PBX3: variants seen among roughly 807,000 people sequenced by gnomAD.
The protein encoded by PBX3 is PBX homeobox 3.
A neutral mutation model predicts 48.5 loss-of-function variants in PBX3; 14 were observed. The observed-to-expected ratio is 0.29, with a 90% CI of 0.19 to 0.45. The LOEUF is 0.45. PBX3 is among the 20% of genes least tolerant of loss of function. PBX3 has a pLI of 1.00. For missense variants in PBX3, 386 were observed against 546.7 expected (o/e 0.71, Z 2.93); for synonymous variants, 210 against 200.3 (o/e 1.05, Z -0.41).
intron 2 of PBX3, among the ~76,000 whole-genome samples, chr9:125,826,193 A>AT (rs1824311973): frequency 6.6e-6 from 1 of 152,106 alleles, no homozygotes; most frequent in East Asian, 1.9e-4. Flanking sequence ...TTGAGGCATG[A>AT]TTTTTACCTG....
Position 125,804,139 on chromosome 9 carries a change from A to G in PBX3, c.274+55516A>G, listed in dbSNP as rs567186528. On this transcript the variant is annotated intron_variant, in intron 2 of 8. Coordinates refer to ENST00000373489, the MANE Select transcript of PBX3 (RefSeq NM_006195.6). ...TTGGGGATAACAAAAGTTACTAGAA[A>G]TGGTGAAGACTAAATAGGTTATAGA... Among the ~76,000 whole-genome samples the G allele has an allele frequency of 2.0e-5, 3 of 152,338 alleles. No individual in the cohort carries two copies. In the South Asian group the frequency reaches 6.2e-4, roughly 32 times the overall value.
chr9:125,851,870 C>CT (rs1164910184), intron 2 of PBX3, among the ~76,000 whole-genome samples: 44,337 of 121,358 alleles, frequency 0.37, 7,987 homozygotes, highest in African/African-American at 0.44. Context: ...ATTTTTGCTG[C>CT]TTTTTTTTTT....
In PBX3 at chr9:125,779,664, T is replaced by G. The variant is rs1482979850; in HGVS notation, c.274+31041T>G. ...AAAGTCTCCCATGTCTACTTCTTTC[T>G]ACACAGACACAGCAACCATCCGATT... On this transcript the variant is annotated intron_variant, in intron 2 of 8. Coordinates refer to ENST00000373489, the MANE Select transcript of PBX3 (RefSeq NM_006195.6). Among the ~76,000 whole-genome samples, 17 of 135,150 alleles carry G rather than the reference T, an allele frequency of 1.3e-4. No homozygotes were observed. In the South Asian group the frequency reaches 1.4e-3, roughly 11 times the overall value. 88.7% of individuals were successfully genotyped at this position (135,150 alleles called of 152,430 possible).
chr9:125,956,673 T>C (rs1842316717), intron 5 of PBX3, among the ~76,000 whole-genome samples: 1 of 152,226 alleles, frequency 6.6e-6, no homozygotes, highest in African/African-American at 2.4e-5. Context: ...CTTGTGCTTT[T>C]ATTCTCATTT....
intron 2 of PBX3, among the ~76,000 whole-genome samples, chr9:125,839,977 G>C (rs2132225974): frequency 6.6e-6 from 1 of 152,218 alleles, no homozygotes; most frequent in African/African-American, 2.4e-5. Flanking sequence ...CAGTCTTGTG[G>C]TACTCATTTC....
rs1842555385 is a variant in PBX3, at chr9:125,967,347, CA to C, written c.*1425del. On this transcript the variant is annotated 3_prime_UTR_variant, in exon 9 of 9. Coordinates refer to ENST00000373489, the MANE Select transcript of PBX3 (RefSeq NM_006195.6). Reference sequence around the variant, plus strand: ...CGTGGTAGTTATATGTAGTTTCAAACATGAATAAACTTTTTGCTTTCATGAT... The same window carrying C: ...CGTGGTAGTTATATGTAGTTTCAAACTGAATAAACTTTTTGCTTTCATGAT... 1 of 152,634 alleles carries C rather than the reference CA, an allele frequency of 6.6e-6. No individual in the cohort carries two copies. The highest frequency in any genetic ancestry group is 1.5e-5 in the Non-Finnish European group (1 of 68,038). 9.5% of individuals were successfully genotyped at this position (152,634 alleles called of 1,614,324 possible). A position where few individuals can be genotyped will look rare whatever the true frequency, so the allele number is the denominator to read the frequency against.
intron 2 of PBX3, among the ~76,000 whole-genome samples, chr9:125,765,279 G>A (rs1047528899): frequency 6.6e-6 from 1 of 151,444 alleles, no homozygotes; most frequent in African/African-American, 2.4e-5. Flanking sequence ...CTCCCGAATA[G>A]TCAAGACTAC....
chr9:125,960,604 T>C, intron 5 of PBX3, 80 bp from the exon 6 acceptor site: 1 of 1,284,950 alleles, frequency 7.8e-7, no homozygotes, highest in South Asian at 1.3e-5. Flanking sequence ...AGGTATTGCC[T>C]TGGTGTCCAG....
Position 125,966,495 on chromosome 9 carries a change from C to T in PBX3, c.*572C>T, listed in dbSNP as rs991341869. ...TAATTAGATCAGAGACTGGTAGCAT[C>T]GTTTCTCTCTCTGAAAGCACCAGTG... On this transcript the variant is annotated 3_prime_UTR_variant, in exon 9 of 9. Transcript: ENST00000373489. The T allele has an allele frequency of 6.6e-6, 1 of 152,636 alleles. No individual in the cohort carries two copies. The highest frequency in any genetic ancestry group is 1.5e-5 in the Non-Finnish European group (1 of 68,056). The allele number at this position is 152,636 out of a possible 1,614,324, so 9.5% of individuals were successfully genotyped here.
chr9:125,876,190 T>C (rs1840243082), intron 2 of PBX3, among the ~76,000 whole-genome samples: 1 of 152,236 alleles, frequency 6.6e-6, no homozygotes, highest in Non-Finnish European at 1.5e-5. Context: ...ACTTATTTTT[T>C]GTATCACTCA....
intron 2 of PBX3, among the ~76,000 whole-genome samples, chr9:125,847,046 T>C (rs1839443650): frequency 6.6e-6 from 1 of 151,952 alleles, no homozygotes; most frequent in Non-Finnish European, 1.5e-5. Flanking sequence ...AAGTTGAGAG[T>C]TGGATCTGTA....
At chr9:125,794,019 T>A (rs1461599732) in intron 2 of PBX3, among the ~76,000 whole-genome samples, 2 of 152,238 alleles carry the variant, frequency 1.3e-5, no homozygotes, top group Non-Finnish European at 2.9e-5. Flanking sequence ...TTTAATCTTA[T>A]AATGTTTACA....
chr9:125,804,964 AAAG>A lies in PBX3; in HGVS notation c.274+56355_274+56357del, dbSNP rs1252209819. Among the ~76,000 whole-genome samples, 358 of 150,010 alleles carry A rather than the reference AAAG, an allele frequency of 2.4e-3. 5 individuals are homozygous for A. Among genetic ancestry groups the A allele is most frequent in the East Asian group, 9.4e-3 (48 of 5,108 alleles). On this transcript the variant is annotated intron_variant, in intron 2 of 8. Transcript: ENST00000373489. ...CTCTGTCTTAAAAAAAAAAAAAAAA[AAAG>A]AAGAAGAAGAAGAGGAAGAAGACAG...
intron 2 of PBX3, among the ~76,000 whole-genome samples, chr9:125,768,470 T>A (rs1836857807): frequency 6.6e-6 from 1 of 152,236 alleles, no homozygotes; most frequent in Non-Finnish European, 1.5e-5. Context: ...ATTTAAAAAT[T>A]AAAATCATAA....
intron 2 of PBX3, among the ~76,000 whole-genome samples, chr9:125,849,922 A>C (rs1307817384): frequency 6.6e-6 from 1 of 152,012 alleles, no homozygotes; most frequent in Non-Finnish European, 1.5e-5. Flanking sequence ...TTAATATGCC[A>C]GCAAACCATA....
intron 5 of PBX3, among the ~76,000 whole-genome samples, chr9:125,940,184 CA>C (rs61487031): frequency 1.4e-3 from 178 of 126,124 alleles, no homozygotes; most frequent in Middle Eastern, 4.0e-3. Context: ...AACTCCGTCT[CA>C]AAAAAAAAAA....
chr9:125,961,249 GA>G (rs1007404383), intron 6 of PBX3, among the ~76,000 whole-genome samples: 13 of 152,334 alleles, frequency 8.5e-5, no homozygotes, highest in African/African-American at 2.6e-4. Context: ...TGGAATGCTG[GA>G]GGGAAGTGCA....
At chr9:125,787,466 T>C (rs980309583) in intron 2 of PBX3, among the ~76,000 whole-genome samples, 1 of 152,124 alleles carries the variant, frequency 6.6e-6, no homozygotes, top group Admixed American at 6.5e-5. Context: ...TATTGTCAGA[T>C]TGAAGACTCA....
At chr9:125,770,583 G>A (rs1216973961) in intron 2 of PBX3, among the ~76,000 whole-genome samples, 3 of 152,062 alleles carry the variant, frequency 2.0e-5, no homozygotes, top group Admixed American at 6.6e-5. Context: ...GTCAAAGTCC[G>A]TTAAAAATTT....
Sources: gnomAD v4.1 joint callset for allele counts (sites outside exome capture counted in the v4.1 genomes callset) on GRCh38, gnomAD v4.1.1 for gene constraint, MANE v1.5 for transcripts, NCBI Gene and HGNC (gene_info 2026-07-23, HGNC 2026-07-21) for gene names.